The following PFKFB3 variants were observed in gnomAD, a reference collection of about 807,000 sequenced individuals.
The protein encoded by PFKFB3 is 6-phosphofructo-2-kinase/fructose-2,6-biphosphatase 3, also known as 6-phosphofructo-2-kinase/fructose-2,6-bisphosphatase 3.
PFKFB3 carries 33 observed loss-of-function variants against 68.0 expected under a neutral mutation model. The ratio of observed to expected loss-of-function variants is 0.49; its 90% CI spans 0.37 to 0.65. The LOEUF is 0.65. PFKFB3 is among the 30% of genes least tolerant of loss of function. The probability of loss-of-function intolerance (pLI) is 0.00; values close to 1 mark genes in which losing one functional copy is unlikely to be tolerated. For synonymous variants in PFKFB3, 315 were observed against 288.2 expected, an observed-to-expected ratio of 1.09 and a Z score of -0.94; for missense variants, 586 against 712.2, an observed-to-expected ratio of 0.82 and a Z score of 2.02.
chr10:6,275,430 A>G, the PFKFB3 span, among the ~76,000 whole-genome samples: 1 of 152,232 alleles, frequency 6.6e-6, no homozygotes, highest in Non-Finnish European at 1.5e-5. This position sits in a 1 kb window ranked among gnomAD's most constrained non-coding sequence, Gnocchi z 4.9. Context: ...AGTAGCTGAC[A>G]CTGCATGCCG....
chr10:6,228,152 G>T lies in PFKFB3; in HGVS notation c.1515+1787G>T, dbSNP rs762579012. The stretch of plus-strand genomic sequence containing the variant: ...TCAGGGCTTCGTCCCTGCAGATTGC[G>T]CCCTGCCTCCTGACTGACTTCTCTC... On this transcript the variant is annotated intron_variant, in intron 14 of 14. Coordinates refer to ENST00000379775, the MANE Select transcript of PFKFB3 (RefSeq NM_004566.4). The surrounding 1 kb of genome is among the most constrained non-coding windows in gnomAD (Gnocchi z 4.5). 6.2e-7 allele frequency: 1 copy of T among 1,612,018 alleles called. No individual in the cohort carries two copies.
intron 9 of PFKFB3, 45 bp downstream of exon 9, chr10:6,221,572 G>A: frequency 6.2e-7 from 1 of 1,612,064 alleles, no homozygotes; most frequent in Non-Finnish European, 8.5e-7. Context: ...TCGGGCATGG[G>A]GCGGCTTCCC....
At position 6,222,999 on chromosome 10, in the gene PFKFB3, T is replaced by C. The variant is rs753702065; in HGVS notation, c.1213+15T>C. ...TAAGAGTGCAGGTACCTCGGGCAGG[T>C]CGTGGCCCCGGGATGGAGGGAGGAG... On this transcript the variant is annotated intron_variant, in intron 11 of 14. Coordinates refer to ENST00000379775, the MANE Select transcript of PFKFB3 (RefSeq NM_004566.4). 1 of 1,609,728 alleles carries C rather than the reference T, an allele frequency of 6.2e-7. No homozygotes were observed. The highest frequency in any genetic ancestry group is 1.7e-5 in the Admixed American group (1 of 59,758).
intron 1 of PFKFB3, among the ~76,000 whole-genome samples, chr10:6,183,750 T>G (rs599247): frequency 1.3e-5 from 2 of 149,334 alleles, no homozygotes; most frequent in Non-Finnish European, 1.5e-5. Flanking sequence ...TGCAGTGGCG[T>G]GATCTCGGCT....
chr10:6,147,376 G>A (rs542494561), intron 1 of PFKFB3, among the ~76,000 whole-genome samples: 1 of 152,324 alleles, frequency 6.6e-6, no homozygotes, highest in East Asian at 1.9e-4. Context: ...CATCCTCTGC[G>A]GGCTGGAAGC....
At chr10:6,145,858 G>T (rs1458451959) in intron 1 of PFKFB3, among the ~76,000 whole-genome samples, 5 of 152,198 alleles carry the variant, frequency 3.3e-5, no homozygotes, top group Admixed American at 3.3e-4. Context: ...CCGCACCGGG[G>T]GGTCCCAGCG....
At chr10:6,177,530 CTTTTTTT>C (rs369764404) in intron 1 of PFKFB3, among the ~76,000 whole-genome samples, 1 of 95,190 alleles carries the variant, frequency 1.1e-5, no homozygotes, top group Admixed American at 1.1e-4. Context: ...CTTTCTTTTT[CTTTTTTT>C]TTTTTGAGAC....
chr10:6,326,094 C>T, the PFKFB3 span, among the ~76,000 whole-genome samples: 5 of 152,170 alleles, frequency 3.3e-5, no homozygotes, highest in Non-Finnish European at 5.9e-5. Flanking sequence ...GAAAAACCAA[C>T]GATGTTGTGA....
intron 1 of PFKFB3, among the ~76,000 whole-genome samples, chr10:6,148,505 C>T (rs1194664440): frequency 1.3e-5 from 2 of 152,174 alleles, no homozygotes; most frequent in Non-Finnish European, 2.9e-5. Flanking sequence ...AAGGATGGTG[C>T]AAGCATTGCC....
At chr10:6,189,776 G>T (rs910517604) in intron 1 of PFKFB3, among the ~76,000 whole-genome samples, 4 of 150,544 alleles carry the variant, frequency 2.7e-5, no homozygotes, top group Non-Finnish European at 5.9e-5. Flanking sequence ...CGGCCTCCCA[G>T]AGTGCTGGGA....
intron 14 of PFKFB3, among the ~76,000 whole-genome samples, chr10:6,241,017 GCC>G (rs1846127492): frequency 6.6e-6 from 1 of 151,884 alleles, no homozygotes; most frequent in East Asian, 1.9e-4. Flanking sequence ...TGATTCTCCT[GCC>G]TCAGCCTCCC....
chr10:6,314,720 G>A, the PFKFB3 span, among the ~76,000 whole-genome samples: 1 of 152,170 alleles, frequency 6.6e-6, no homozygotes, highest in Non-Finnish European at 1.5e-5. Flanking sequence ...TAAGATAAGT[G>A]TCTGGAAGGG....
rs1446634998 is a variant in PFKFB3 at position 6,235,218 on chromosome 10, T to C, written c.*2276T>C. 6.5e-6 allele frequency: 1 copy of C among 152,810 alleles called. No homozygotes were observed. The highest frequency in any genetic ancestry group is 1.5e-5 in the Non-Finnish European group (1 of 68,042). The allele number at this position is 152,810 out of a possible 1,614,324, so 9.5% of individuals were successfully genotyped here. ...CATTTTGAGAGAGAAGAAAAACTGTTTGGAACCACACCAATGATATTTTTC... is the reference window on the plus strand; with the variant it reads ...CATTTTGAGAGAGAAGAAAAACTGTCTGGAACCACACCAATGATATTTTTC... On this transcript the variant is annotated 3_prime_UTR_variant, in exon 15 of 15. Transcript: ENST00000379775.
chr10:6,207,941 C>T (rs1843903758), intron 1 of PFKFB3, among the ~76,000 whole-genome samples: 1 of 152,178 alleles, frequency 6.6e-6, no homozygotes, highest in Non-Finnish European at 1.5e-5. Context: ...GGGTACCGGG[C>T]TGAGTCCTAA....
At chr10:6,256,299 T>C (rs2132086364), downstream of PFKFB3, among the ~76,000 whole-genome samples, 1 of 152,230 alleles carries the variant, frequency 6.6e-6, no homozygotes, top group South Asian at 2.1e-4. Context: ...GGATTTTGTT[T>C]TGGGATAGGA....
At chr10:6,145,446 C>G (rs1392299533) in intron 1 of PFKFB3, among the ~76,000 whole-genome samples, 1 of 152,142 alleles carries the variant, frequency 6.6e-6, no homozygotes, top group Non-Finnish European at 1.5e-5. Flanking sequence ...GCAGCGAATT[C>G]CCGCTTCCCG....
downstream of PFKFB3, among the ~76,000 whole-genome samples, chr10:6,237,771 G>T (rs981112527): frequency 2.0e-5 from 3 of 152,058 alleles, no homozygotes; most frequent in Non-Finnish European, 2.9e-5. Context: ...TCGCCATGTT[G>T]CCCAGGCTGG....
the PFKFB3 span, among the ~76,000 whole-genome samples, chr10:6,301,106 A>G: frequency 6.6e-6 from 1 of 152,150 alleles, no homozygotes; most frequent in Non-Finnish European, 1.5e-5. Flanking sequence ...CCATGTGAAC[A>G]TGAGATGATA....
intron 1 of PFKFB3, among the ~76,000 whole-genome samples, chr10:6,169,130 C>T (rs937552896): frequency 1.8e-4 from 27 of 152,116 alleles, no homozygotes; most frequent in Admixed American, 6.5e-4. Context: ...TTAGTAGAGA[C>T]GGGGTCTTGC....
Sources: allele counts gnomAD v4.1 joint callset (sites outside exome capture counted in the v4.1 genomes callset), GRCh38; gene constraint gnomAD v4.1.1; non-coding constraint Gnocchi (gnomAD v3.1); transcripts MANE v1.5; gene names NCBI Gene and HGNC (gene_info 2026-07-23, HGNC 2026-07-21).